Variants in GORAB observed in about 807,000 individuals in gnomAD.
GORAB encodes the protein RAB6-interacting golgin.
In GORAB, 17 loss-of-function variants were observed where a neutral mutation model predicts 29.9. That is an observed-to-expected ratio of 0.57 (90% CI 0.39 to 0.85). The LOEUF (loss-of-function observed/expected upper bound fraction) is 0.85, where lower values mean the gene tolerates loss of function less well. Ranked by LOEUF, GORAB falls within the 40% of genes least tolerant of loss-of-function variation. The pLI is 0.00. For missense variants in GORAB, 442 were observed against 437.8 expected (o/e 1.01, Z -0.09); for synonymous variants, 183 against 157.2 (o/e 1.16, Z -1.23).
Position 170,552,728 on chromosome 1 carries a change from A to T in GORAB, c.*266A>T, listed in dbSNP as rs1349192193. On this transcript the variant is annotated 3_prime_UTR_variant, in exon 5 of 5. Transcript: ENST00000367763. ...TACTGAAAGTAAGTGACTTAAAAGG[A>T]TGGAAGAAAAACTACATGGTTGGAG... 3.9e-6 allele frequency: 2 copies of T among 517,048 alleles called. No homozygotes were observed. The highest frequency in any genetic ancestry group is 7.4e-6 in the Non-Finnish European group (2 of 268,536). 32.0% of individuals were successfully genotyped at this position (517,048 alleles called of 1,614,324 possible). A position where few individuals can be genotyped will look rare whatever the true frequency, so the allele number is the denominator to read the frequency against.
chr1:170,540,753 A>G (rs1391248269), intron 2 of GORAB, among the ~76,000 whole-genome samples: 1 of 152,238 alleles, frequency 6.6e-6, no homozygotes, highest in Non-Finnish European at 1.5e-5. Flanking sequence ...TTTTCATAAA[A>G]GACCTGTAAC....
In GORAB at chr1:170,532,236, TG is replaced by T. The variant is rs1648722499; in HGVS notation, c.16del (p.Ala6GlnfsTer8). 6.2e-7 allele frequency: 1 copy of T among 1,614,052 alleles called. No homozygotes were observed. The highest frequency in any genetic ancestry group is 1.3e-5 in the African/African-American group (1 of 74,996). ...GTGGCCCGGGCCGATGGCGCAAGGT[TG>T]GGCAGGATTCTCTGAGGAGGAACTG... The part of the protein sequence containing the change: MAQG[W>X]AGFSEEELRR... On this transcript the variant is annotated frameshift_variant, in exon 1 of 5. Coordinates refer to ENST00000367763, the MANE Select transcript of GORAB (RefSeq NM_152281.3). LOFTEE classifies it high-confidence loss of function.
chr1:170,544,534 ACT>A lies in GORAB; in HGVS notation c.522-169_522-168del, dbSNP rs1649634895. On this transcript the variant is annotated intron_variant, in intron 3 of 4. Transcript: ENST00000367763. The stretch of plus-strand genomic sequence containing the variant: ...AACATGCAAATATAAAATTTCAAAA[ACT>A]CAAATGTTAACCAGCTTTTACTTTA... The A allele has an allele frequency of 1.9e-5, 10 of 530,944 alleles. No individual in the cohort carries two copies. The East Asian group carries it at 3.1e-4, about 16-fold the overall frequency. The allele number at this position is 530,944 out of a possible 1,614,324, so 32.9% of individuals were successfully genotyped here.
chr1:170,543,982 T>A (rs982264041), intron 3 of GORAB, among the ~76,000 whole-genome samples: 1 of 152,246 alleles, frequency 6.6e-6, no homozygotes, highest in Non-Finnish European at 1.5e-5. Context: ...TTCTTCTTCC[T>A]TCACAATGTG....
At chr1:170,546,612 G>A (rs551573554) in intron 4 of GORAB, among the ~76,000 whole-genome samples, 13 of 152,264 alleles carry the variant, frequency 8.5e-5, no homozygotes, top group African/African-American at 3.1e-4. Flanking sequence ...GTAAGTTACA[G>A]ATGACAGTTT....
chr1:170,547,007 C>T (rs1424866423), intron 4 of GORAB, among the ~76,000 whole-genome samples: 3 of 152,018 alleles, frequency 2.0e-5, no homozygotes, highest in African/African-American at 7.2e-5. Flanking sequence ...TTTCAAAAGC[C>T]GAAGCTCTTG....
In GORAB at chr1:170,539,280, T is replaced by C. The variant is rs1386092625; in HGVS notation, c.132T>C (p.Leu44=). The part of the protein sequence containing the change: ...SRQQLQREKA[L]VEQSQKLGLQ... ...AACAACTTCAGCGAGAAAAAGCCCT[T>C]GTAGAGCAAAGCCAAAAACTTGGGC... The change falls in exon 2 of 5, where the codon CTT becomes CTC. Residue 44 remains leucine (L), a synonymous_variant. Coordinates refer to ENST00000367763, the MANE Select transcript of GORAB (RefSeq NM_152281.3). 4 of 1,614,144 alleles carry C rather than the reference T, an allele frequency of 2.5e-6. No homozygotes were observed. Among genetic ancestry groups the C allele is most frequent in the Non-Finnish European group, 8.5e-7 (1 of 1,180,024 alleles).
chr1:170,533,255 G>A (rs1648826160), intron 1 of GORAB, among the ~76,000 whole-genome samples: 1 of 152,154 alleles, frequency 6.6e-6, no homozygotes, highest in Non-Finnish European at 1.5e-5. Context: ...ATAATCTAGG[G>A]CAGACAAGTG....
chr1:170,549,167 A>T (rs1649966568), intron 4 of GORAB, among the ~76,000 whole-genome samples: 1 of 152,222 alleles, frequency 6.6e-6, no homozygotes, highest in Admixed American at 6.5e-5. Flanking sequence ...CCTTTAAAAT[A>T]ACAAAACAGT....
In GORAB at chr1:170,544,635, A is replaced by G. The variant is rs569049244; in HGVS notation, c.522-70A>G. The G allele has an allele frequency of 8.3e-6, 11 of 1,327,326 alleles. No homozygotes were observed. In the East Asian group the frequency reaches 1.9e-4, roughly 22 times the overall value. The allele number at this position is 1,327,326 out of a possible 1,614,324, so 82.2% of individuals were successfully genotyped here. The stretch of plus-strand genomic sequence containing the variant: ...TGTATATGCAGTATCTTGCTTTTTC[A>G]CTTACATTGTATATGGACACATGGT... On this transcript the variant is annotated intron_variant, in intron 3 of 4. Coordinates refer to ENST00000367763, the MANE Select transcript of GORAB (RefSeq NM_152281.3).
chr1:170,541,245 C>A, intron 2 of GORAB, among the ~76,000 whole-genome samples: 1 of 140,218 alleles, frequency 7.1e-6, no homozygotes, highest in African/African-American at 2.6e-5. Flanking sequence ...GAGGAAGGAT[C>A]AGAAGCAGAA....
intron 1 of GORAB, among the ~76,000 whole-genome samples, chr1:170,536,094 C>T (rs1649045590): frequency 6.6e-6 from 1 of 152,050 alleles, no homozygotes; most frequent in African/African-American, 2.4e-5. Flanking sequence ...TCAATTTCAT[C>T]TTCATATTAT....
rs760576900 is a variant in GORAB, at chr1:170,552,142, G to A, written c.790G>A (p.Ala264Thr). 6.2e-7 allele frequency: 1 copy of A among 1,614,122 alleles called. No homozygotes were observed. Among genetic ancestry groups the A allele is most frequent in the Non-Finnish European group, 8.5e-7 (1 of 1,179,974 alleles). The change falls in exon 5 of 5, where the codon GCC becomes ACC. Residue 264 changes from alanine to threonine, a missense_variant. Ala to Thr is a moderately conservative substitution (Grantham distance 58, BLOSUM62 0). Transcript: ENST00000367763. ...TIIQQNELRK[A>T]KKLEELMQQL... Reference sequence around the variant, plus strand: ...CATACAGCAAAATGAGCTCCGAAAGGCCAAGAAGTTGGAGGAGTTGATGCA... The same window carrying A: ...CATACAGCAAAATGAGCTCCGAAAGACCAAGAAGTTGGAGGAGTTGATGCA...
chr1:170,536,517 T>C (rs1209739277), intron 1 of GORAB: 1 of 152,226 alleles, frequency 6.6e-6, no homozygotes, highest in East Asian at 1.9e-4. Context: ...TATACATTAC[T>C]AGAGGGAGCA....
Position 170,532,230 on chromosome 1 carries a change from C to T in GORAB, c.7C>T (p.Gln3Ter). 1 of 1,613,998 alleles carries T rather than the reference C, an allele frequency of 6.2e-7. No homozygotes were observed. Among genetic ancestry groups the T allele is most frequent in the Non-Finnish European group, 8.5e-7 (1 of 1,179,994 alleles). Residue 3 changes from glutamine (Q) to a stop codon, truncating the protein, a stop_gained, in exon 1 of 5, where the codon CAA (glutamine) becomes TAA (stop). Coordinates refer to ENST00000367763, the MANE Select transcript of GORAB (RefSeq NM_152281.3). LOFTEE classifies it high-confidence loss of function. MA[Q>*]GWAGFSEEEL... ...GTGCCGGTGGCCCGGGCCGATGGCGCAAGGTTGGGCAGGATTCTCTGAGGA... is the reference window on the plus strand; with the variant it reads ...GTGCCGGTGGCCCGGGCCGATGGCGTAAGGTTGGGCAGGATTCTCTGAGGA...
intron 4 of GORAB, among the ~76,000 whole-genome samples, chr1:170,550,216 A>G (rs1650026130): frequency 1.3e-5 from 2 of 152,222 alleles, no homozygotes; most frequent in South Asian, 2.1e-4. Flanking sequence ...CATTTAATCC[A>G]TAGGCTAAAT....
At chr1:170,532,455 C>T (rs955607907) in intron 1 of GORAB, 171 bp downstream of exon 1, 3 of 707,440 alleles carry the variant, frequency 4.2e-6, no homozygotes, top group Non-Finnish European at 7.3e-6. Flanking sequence ...TACTGGGAGT[C>T]ACGACGGGAG....
In GORAB at chr1:170,553,604, C is replaced by CA. The variant is rs1294136923; in HGVS notation, c.*1143dup. 10 of 452,586 alleles carry CA rather than the reference C, an allele frequency of 2.2e-5. No individual in the cohort carries two copies. In the Admixed American group the frequency reaches 2.4e-4, roughly 11 times the overall value. 28.0% of individuals were successfully genotyped at this position (452,586 alleles called of 1,614,324 possible). On this transcript the variant is annotated 3_prime_UTR_variant, in exon 5 of 5. Coordinates refer to ENST00000367763, the MANE Select transcript of GORAB (RefSeq NM_152281.3). Reference sequence around the variant, plus strand: ...TAAAAGTTTCTGAAAAACTTAGGGACATCCTGTTTTTAAATGGGTTTGTTT... The same window carrying CA: ...TAAAAGTTTCTGAAAAACTTAGGGACAATCCTGTTTTTAAATGGGTTTGTTT...
At position 170,552,294 on chromosome 1, in the gene GORAB, G is replaced by A. The variant is rs771683861; in HGVS notation, c.942G>A (p.Ala314=). The change falls in exon 5 of 5, where the codon GCG becomes GCA. Residue 314 remains alanine, a synonymous_variant. Coordinates refer to ENST00000367763, the MANE Select transcript of GORAB (RefSeq NM_152281.3). ...GTTTAGAGAGGCCATTTCAGCCTGC[G>A]GAGGAGAGTGTGACATTAGAATTTG... is the stretch of plus-strand genomic sequence containing the variant. ...VVRLERPFQP[A]EESVTLEFAK... The A allele has an allele frequency of 1.4e-5, 23 of 1,614,128 alleles. No individual in the cohort carries two copies. Among genetic ancestry groups the A allele is most frequent in the South Asian group, 1.3e-4 (12 of 91,082 alleles).
Sources: allele counts gnomAD v4.1 joint callset (sites outside exome capture counted in the v4.1 genomes callset), GRCh38; gene constraint gnomAD v4.1.1; transcripts MANE v1.5; gene names NCBI Gene and HGNC (gene_info 2026-07-23, HGNC 2026-07-21).